COL4A1: variants seen among roughly 807,000 people sequenced by gnomAD.
COL4A1 encodes collagen alpha-1(IV) chain.
In COL4A1, 40 loss-of-function variants were observed where a neutral mutation model predicts 216.6. The ratio of observed to expected loss-of-function variants is 0.18; its 90% CI spans 0.14 to 0.24. The LOEUF (loss-of-function observed/expected upper bound fraction) is 0.24, where lower values mean the gene tolerates loss of function less well. Among genes scored for constraint, COL4A1 ranks in the 10% least tolerant of loss-of-function variants. The pLI is 1.00. For missense variants in COL4A1, 1,628 were observed against 2,196.8 expected (o/e 0.74, Z 5.18); for synonymous variants, 839 against 810.7 (o/e 1.03, Z -0.59).
chr13:110,175,275 T>C lies in COL4A1; in HGVS notation c.3141A>G (p.Gly1047=), dbSNP rs766611846. The change falls in exon 37 of 52, where the codon GGA becomes GGG. Residue 1047 remains glycine, a synonymous_variant. Transcript: ENST00000375820. ...CAGGTGGGCCTGCCTGCCCTTTCTC[T>C]CCTTTTGCACCTTTGTCTCCAGGTA... ...PGLPGDKGAK[G]EKGQAGPPGI... 4 of 1,614,216 alleles carry C rather than the reference T, an allele frequency of 2.5e-6. No individual in the cohort carries two copies. The highest frequency in any genetic ancestry group is 3.3e-5 in the Admixed American group (2 of 60,024).
At chr13:110,301,147 G>T (rs1464356980) in intron 1 of COL4A1, among the ~76,000 whole-genome samples, 1 of 152,166 alleles carries the variant, frequency 6.6e-6, no homozygotes, top group Admixed American at 6.5e-5. Context: ...AAACACCTTC[G>T]TTTGCCCAGA....
At chr13:110,153,131 A>T (rs1046816515) in intron 50 of COL4A1, among the ~76,000 whole-genome samples, 1 of 152,262 alleles carries the variant, frequency 6.6e-6, no homozygotes, top group Non-Finnish European at 1.5e-5. Flanking sequence ...CTAAGACATT[A>T]CAACAGAGCC....
At chr13:110,166,749 CCCCAG>C (rs1300712582) in intron 44 of COL4A1, among the ~76,000 whole-genome samples, 1 of 152,156 alleles carries the variant, frequency 6.6e-6, no homozygotes, top group Non-Finnish European at 1.5e-5. Context: ...TCACACATGT[CCCCAG>C]TTGGACCACA....
chr13:110,278,279 A>T (rs1883500267), intron 1 of COL4A1, among the ~76,000 whole-genome samples: 1 of 152,124 alleles, frequency 6.6e-6, no homozygotes, highest in Non-Finnish European at 1.5e-5. Context: ...TTTTTCCACA[A>T]TGTATTCACA....
rs1212611640 is a variant in COL4A1, at chr13:110,183,246, G to C, written c.1928C>G (p.Pro643Arg). ...GPKGEPGKIV[P>R]LPGPPGAEGL... ...TTCTGCTCCAGGGGGGCCTGGTAAA[G>C]GAACAATTTTTCCTGGTTCACCCTT... is the stretch of plus-strand genomic sequence containing the variant. Residue 643 changes from proline (P) to arginine (R), a missense_variant, in exon 27 of 52, where the codon CCT becomes CGT. By Grantham distance (103) the Pro-to-Arg change is moderately radical. This residue lies in a region of COL4A1 where 701 missense variants were observed against 892.5 expected (regional missense o/e 0.79). Transcript: ENST00000375820. 1.2e-6 allele frequency: 2 copies of C among 1,613,582 alleles called. No individual in the cohort carries two copies. The highest frequency in any genetic ancestry group is 1.7e-5 in the Admixed American group (1 of 59,990).
Position 110,162,535 on chromosome 13 carries a change from T to C in COL4A1, c.4250-93A>G. On this transcript the variant is annotated intron_variant, in intron 47 of 51. Transcript: ENST00000375820. ...TTTTCTCCAAAGAGTTTTTAATATT[T>C]TATATTTCCACAAAGTATCCTACCT... The C allele has an allele frequency of 1.0e-5, 10 of 996,924 alleles. No homozygotes were observed. In the South Asian group the frequency reaches 1.3e-4, roughly 13 times the overall value. The allele number at this position is 996,924 out of a possible 1,614,324, so 61.8% of individuals were successfully genotyped here.
At chr13:110,303,016 G>A (rs1884555287) in intron 1 of COL4A1, among the ~76,000 whole-genome samples, 1 of 152,136 alleles carries the variant, frequency 6.6e-6, no homozygotes, top group South Asian at 2.1e-4. Context: ...ACTTCTTGAT[G>A]TTCTTCCACT....
chr13:110,188,749 A>G (rs1594562948), intron 24 of COL4A1, among the ~76,000 whole-genome samples: 1 of 152,208 alleles, frequency 6.6e-6, no homozygotes, highest in Admixed American at 6.5e-5. Context: ...AGTCAAACAA[A>G]CAGCAAATGT....
At chr13:110,242,586 CT>C (rs1364743728) in intron 2 of COL4A1, 88 bp downstream of exon 2, 1 of 1,425,532 alleles carries the variant, frequency 7.0e-7, no homozygotes, top group African/African-American at 1.4e-5. Flanking sequence ...AGGCTTTCAC[CT>C]GAATTGCTGA....
chr13:110,195,572 T>C (rs1225321105), intron 21 of COL4A1, among the ~76,000 whole-genome samples: 3 of 152,204 alleles, frequency 2.0e-5, no homozygotes, highest in African/African-American at 4.8e-5. Context: ...AAACTAATCA[T>C]TATTTTAGAG....
rs146134172 is a variant in COL4A1, at chr13:110,177,853, G to C, written c.2705C>G (p.Pro902Arg). The change falls in exon 33 of 52, where the codon CCG (proline) becomes CGG (arginine). Residue 902 changes from proline to arginine, a missense_variant. By Grantham distance (103) the Pro-to-Arg change is moderately radical. Coordinates refer to ENST00000375820, the MANE Select transcript of COL4A1 (RefSeq NM_001845.6). ...SPGPVGAPGL[P>R]GEKGDHGFPG... ...ATCAGCTCCCCTACCTTTTTCACCC[G>C]GTAATCCAGGAGCACCCACTGGTCC... The C allele has an allele frequency of 3.0e-4, 485 of 1,613,950 alleles. 2 individuals carry two copies. Among genetic ancestry groups the C allele is most frequent in the Admixed American group, 2.5e-4 (15 of 59,992 alleles).
intron 41 of COL4A1, among the ~76,000 whole-genome samples, chr13:110,171,902 C>CT (rs1877660038): frequency 6.6e-6 from 1 of 152,230 alleles, no homozygotes; most frequent in South Asian, 2.1e-4. Flanking sequence ...CCCAAGGCAG[C>CT]CCACCCGGCA....
Position 110,213,796 on chromosome 13 carries a change from T to C in COL4A1, c.265A>G (p.Thr89Ala), listed in dbSNP as rs1879936012. The C allele has an allele frequency of 1.9e-6, 3 of 1,614,152 alleles. No homozygotes were observed. Among genetic ancestry groups the C allele is most frequent in the Non-Finnish European group, 2.5e-6 (3 of 1,179,996 alleles). ...ACTGTACTCACTCTTGTCCCTTTTGTTCCAGGTAGTCCTGGTTCTCCAGTA... is the reference window on the plus strand; with the variant it reads ...ACTGTACTCACTCTTGTCCCTTTTGCTCCAGGTAGTCCTGGTTCTCCAGTA... Reference protein sequence around the residue: ...GDTGEPGLPGTKGTRGPPGAS... With the variant: ...GDTGEPGLPGAKGTRGPPGAS... Residue 89 changes from threonine (T) to alanine (A), a missense_variant, in exon 4 of 52, where the codon ACA becomes GCA. Transcript: ENST00000375820.
At position 110,183,284 on chromosome 13, in the gene COL4A1, A is replaced by G; in HGVS notation, c.1898-8T>C. ...CTGGTTCACCCTTTGGACCTAGAGG[A>G]AAAAAAGAGCAAAGACAAACGATGA... On this transcript the variant is annotated splice_region_variant and splice_polypyrimidine_tract_variant and intron_variant, in intron 26 of 51. Transcript: ENST00000375820. 4 of 1,610,472 alleles carry G rather than the reference A, an allele frequency of 2.5e-6. No individual in the cohort carries two copies. Among genetic ancestry groups the G allele is most frequent in the Middle Eastern group, 1.7e-4 (1 of 6,054 alleles).
chr13:110,150,559 G>A, intron 51 of COL4A1, 115 bp from the exon 52 acceptor site: 1 of 1,034,016 alleles, frequency 9.7e-7, no homozygotes, highest in Non-Finnish European at 1.5e-6. Context: ...CTGGCATCAG[G>A]CCTCAACCTG....
intron 26 of COL4A1, among the ~76,000 whole-genome samples, chr13:110,184,773 C>T (rs1453704155): frequency 1.3e-5 from 2 of 151,994 alleles, no homozygotes; most frequent in African/African-American, 2.4e-5. Flanking sequence ...CGCAATGGCA[C>T]GATCTCAGCT....
Position 110,170,429 on chromosome 13 carries a change from T to C in COL4A1, c.3742+118A>G, listed in dbSNP as rs187951730. On this transcript the variant is annotated intron_variant, in intron 42 of 51. Transcript: ENST00000375820. Reference sequence around the variant, plus strand: ...AAACACAATTTCAAGCTGTAATAAATGCTGCAGACTTCTAAATAAAAAAGC... The same window carrying C: ...AAACACAATTTCAAGCTGTAATAAACGCTGCAGACTTCTAAATAAAAAAGC... 90 of 1,106,278 alleles carry C rather than the reference T, an allele frequency of 8.1e-5. No individual in the cohort carries two copies. The African/African-American group carries it at 1.4e-3, about 17-fold the overall frequency. The allele number at this position is 1,106,278 out of a possible 1,614,324, so 68.5% of individuals were successfully genotyped here.
At chr13:110,201,595 G>T in intron 18 of COL4A1, 73 bp from the exon 19 acceptor site, 1 of 1,198,170 alleles carries the variant, frequency 8.3e-7, no homozygotes, top group Non-Finnish European at 1.2e-6. Context: ...AGCAGTATGA[G>T]TGAAGAAATG....
In COL4A1 at chr13:110,167,004, G is replaced by C. The variant is rs564285930; in HGVS notation, c.3949+154C>G. 2.0e-3 allele frequency among the ~76,000 whole-genome samples: 299 copies of C among 152,298 alleles called. 1 individual carries two copies. Among genetic ancestry groups the C allele is most frequent in the African/African-American group, 6.9e-3 (288 of 41,554 alleles). On this transcript the variant is annotated intron_variant, in intron 44 of 51. Coordinates refer to ENST00000375820, the MANE Select transcript of COL4A1 (RefSeq NM_001845.6). Reference sequence around the variant, plus strand: ...TCCATAAGATTATACAAATTGGGCTGCCACACAGAAATGCCATTTTTAATT... The same window carrying C: ...TCCATAAGATTATACAAATTGGGCTCCCACACAGAAATGCCATTTTTAATT...
Sources: allele counts gnomAD v4.1 joint callset (sites outside exome capture counted in the v4.1 genomes callset), GRCh38; gene constraint gnomAD v4.1.1; regional missense constraint gnomAD v4.1.1; transcripts MANE v1.5; gene names NCBI Gene and HGNC (gene_info 2026-07-23, HGNC 2026-07-21).